The following ACSL4 variants were observed in gnomAD, a reference collection of about 807,000 sequenced individuals.
The protein encoded by ACSL4 is acyl-CoA synthetase long chain family member 4.
In ACSL4, 9 loss-of-function variants were observed where a neutral mutation model predicts 49.1. The ratio of observed to expected loss-of-function variants is 0.18; its 90% CI spans 0.11 to 0.32. The LOEUF is 0.32. Ranked by LOEUF, ACSL4 falls within the 10% of genes least tolerant of loss-of-function variation. The pLI is 1.00. For missense variants in ACSL4, 333 were observed against 493.7 expected (o/e 0.67, Z 3.08); for synonymous variants, 191 against 170.3 (o/e 1.12, Z -0.95).
At chrX:109,709,744 C>T (rs757496702) in intron 1 of ACSL4, among the ~76,000 whole-genome samples, 4 of 112,662 alleles carry the variant, frequency 3.6e-5, no homozygotes, top group African/African-American at 6.4e-5. Flanking sequence ...ACTGATGGTT[C>T]GCTAAACTGG....
intron 1 of ACSL4, among the ~76,000 whole-genome samples, chrX:109,709,164 T>G (rs1003331291): frequency 3.6e-5 from 4 of 111,824 alleles, no homozygotes; most frequent in Non-Finnish European, 5.6e-5. Flanking sequence ...AAATTAAGCC[T>G]GCCCCAGGAG....
At chrX:109,667,543 A>C (rs1341849557) in intron 11 of ACSL4, among the ~76,000 whole-genome samples, 2 of 112,519 alleles carry the variant, frequency 1.8e-5, no homozygotes, top group African/African-American at 6.5e-5. Context: ...GATCATTTAG[A>C]GAAAGAAGAC....
At chrX:109,703,434 A>G (rs1926110374) in intron 1 of ACSL4, among the ~76,000 whole-genome samples, 1 of 111,841 alleles carries the variant, frequency 8.9e-6, no homozygotes, top group Admixed American at 9.5e-5. Flanking sequence ...TGATTTTTGC[A>G]ACTCTATTGT....
intron 2 of ACSL4, among the ~76,000 whole-genome samples, chrX:109,690,273 T>C (rs1924940033): frequency 1.8e-5 from 2 of 112,369 alleles, no homozygotes; most frequent in African/African-American, 3.2e-5. Flanking sequence ...GATACTGCTA[T>C]CCCATCATTA....
chrX:109,645,902 A>C (rs1279810968), intron 15 of ACSL4, among the ~76,000 whole-genome samples: 2 of 112,460 alleles, frequency 1.8e-5, no homozygotes, highest in Non-Finnish European at 3.8e-5. Flanking sequence ...CGATGCGATC[A>C]ACTGGATGAA....
rs144118228 is a variant in ACSL4 at position 109,650,762 on chromosome X, A to G, written c.1856-6576T>C. On this transcript the variant is annotated intron_variant, in intron 15 of 15. Coordinates refer to ENST00000672401, the MANE Select transcript of ACSL4 (RefSeq NM_001318510.2). ...CTATGCTTTGTTCAAAGTAGTTATCACCACCCAACATATTATATATTTGTT... is the reference window on the plus strand; with the variant it reads ...CTATGCTTTGTTCAAAGTAGTTATCGCCACCCAACATATTATATATTTGTT... Among the ~76,000 whole-genome samples the G allele has an allele frequency of 5.5e-3, 617 of 112,096 alleles. 6 individuals are homozygous for G. The highest frequency in any genetic ancestry group is 0.017 in the African/African-American group (532 of 30,905).
chrX:109,680,942 A>G (rs886130991), intron 6 of ACSL4, 56 bp downstream of exon 6: 2 of 1,161,556 alleles, frequency 1.7e-6, no homozygotes, highest in African/African-American at 1.8e-5. Flanking sequence ...TCCCTAACCT[A>G]CCAAAATAAC....
At chrX:109,697,714 G>T (rs758553999) in intron 1 of ACSL4, among the ~76,000 whole-genome samples, 1 of 97,646 alleles carries the variant, frequency 1.0e-5, no homozygotes, top group Non-Finnish European at 2.0e-5. Context: ...TTGACATGGG[G>T]GGGGGGGCGC....
intron 2 of ACSL4, 130 bp downstream of exon 2, chrX:109,696,014 C>T (rs1365435006): frequency 5.3e-5 from 6 of 112,360 alleles, no homozygotes; most frequent in Admixed American, 3.8e-4. Flanking sequence ...CCTTTTTAAA[C>T]ACAATCATAA....
chrX:109,647,881 G>T (rs1433823152), intron 15 of ACSL4, among the ~76,000 whole-genome samples: 1 of 111,355 alleles, frequency 9.0e-6, no homozygotes, highest in African/African-American at 3.3e-5. Flanking sequence ...TACCATCAGA[G>T]AATACTACAA....
At chrX:109,659,630 T>G (rs1180591309) in intron 14 of ACSL4, 119 bp from the exon 15 acceptor site, 2 of 500,823 alleles carry the variant, frequency 4.0e-6, no homozygotes, top group Non-Finnish European at 6.6e-6. Flanking sequence ...TTTATTAAAG[T>G]TTCATTAGGA....
intron 4 of ACSL4, 76 bp from the exon 5 acceptor site, chrX:109,681,451 A>C: frequency 1.4e-6 from 1 of 691,257 alleles, no homozygotes; most frequent in Non-Finnish European, 2.3e-6. Flanking sequence ...GTCAGTCTTT[A>C]ATAATAGTTA....
intron 1 of ACSL4, among the ~76,000 whole-genome samples, chrX:109,698,641 T>A (rs1299607156): frequency 9.0e-6 from 1 of 111,068 alleles, no homozygotes; most frequent in Non-Finnish European, 1.9e-5. Flanking sequence ...AAAAAAGAGA[T>A]AATACAGCAT....
intron 1 of ACSL4, among the ~76,000 whole-genome samples, chrX:109,701,651 T>A (rs1314348666): frequency 9.7e-6 from 1 of 103,043 alleles, no homozygotes. Flanking sequence ...TTCACACCAT[T>A]CTCCTGCCTC....
intron 15 of ACSL4, among the ~76,000 whole-genome samples, chrX:109,658,841 A>G (rs1921927020): frequency 8.9e-6 from 1 of 111,824 alleles, no homozygotes; most frequent in Non-Finnish European, 1.9e-5. Flanking sequence ...CTCACCTGAT[A>G]ATGAACTACA....
intron 9 of ACSL4, 93 bp downstream of exon 9, chrX:109,674,309 A>G (rs1923500874): frequency 1.4e-6 from 1 of 710,731 alleles, no homozygotes; most frequent in Non-Finnish European, 2.2e-6. Flanking sequence ...AAATGTAGAC[A>G]TATCTAAGAG....
At chrX:109,672,528 T>C (rs1923350336) in intron 9 of ACSL4, among the ~76,000 whole-genome samples, 1 of 112,052 alleles carries the variant, frequency 8.9e-6, no homozygotes, top group Admixed American at 9.5e-5. Context: ...TAGTGACTTA[T>C]TCTGAATTTT....
At chrX:109,706,716 T>C (rs1159722908) in intron 1 of ACSL4, among the ~76,000 whole-genome samples, 1 of 112,407 alleles carries the variant, frequency 8.9e-6, no homozygotes, top group Non-Finnish European at 1.9e-5. Context: ...ACAGATTACA[T>C]AACAGCAAAC....
chrX:109,677,645 G>A (rs1923827229), intron 8 of ACSL4, among the ~76,000 whole-genome samples: 1 of 109,751 alleles, frequency 9.1e-6, no homozygotes, highest in African/African-American at 3.3e-5. Flanking sequence ...GCAGGGCATG[G>A]TGGCGGGCGC....
Sources: allele counts gnomAD v4.1 joint callset (sites outside exome capture counted in the v4.1 genomes callset), GRCh38; gene constraint gnomAD v4.1.1; transcripts MANE v1.5; gene names NCBI Gene and HGNC (gene_info 2026-07-23, HGNC 2026-07-21).